The following DNAH7 variants were observed in gnomAD, a reference collection of about 807,000 sequenced individuals.
DNAH7 encodes dynein axonemal heavy chain 7, also known as axonemal beta dynein heavy chain 7.
A neutral mutation model predicts 444.6 loss-of-function variants in DNAH7; 397 were observed. The ratio of observed to expected loss-of-function variants is 0.89; its 90% CI spans 0.82 to 0.97. The LOEUF (loss-of-function observed/expected upper bound fraction) is 0.97. DNAH7 is among the 50% of genes least tolerant of loss of function. The probability of loss-of-function intolerance (pLI) is 0.00; values close to 1 mark genes in which losing one functional copy is unlikely to be tolerated. For missense variants in DNAH7, 4,902 were observed against 4,800.8 expected (o/e 1.02, Z -0.62); for synonymous variants, 1,636 against 1,624.4 (o/e 1.01, Z -0.17).
chr2:196,035,446 T>C (rs2125811415), intron 5 of DNAH7, among the ~76,000 whole-genome samples: 1 of 152,282 alleles, frequency 6.6e-6, no homozygotes, highest in East Asian at 1.9e-4. Context: ...GGAAGAAAAC[T>C]AAATGAACAA....
At chr2:195,893,977 AT>A (rs1433143875) in intron 30 of DNAH7, 1 of 152,144 alleles carries the variant, frequency 6.6e-6, no homozygotes, top group Non-Finnish European at 1.5e-5. Context: ...TGAGCCATAA[AT>A]AAGATAAAGA....
chr2:195,785,162 T>C (rs1014682895), intron 58 of DNAH7, among the ~76,000 whole-genome samples: 3 of 152,158 alleles, frequency 2.0e-5, no homozygotes, highest in Admixed American at 6.5e-5. Context: ...CTGCCTGCCT[T>C]GGCCTCCCAA....
intron 2 of DNAH7, among the ~76,000 whole-genome samples, chr2:196,056,419 GAAAAAAA>G (rs57708138): frequency 3.4e-4 from 39 of 115,350 alleles, no homozygotes; most frequent in South Asian, 5.8e-4. Flanking sequence ...CACTCTGTCT[GAAAAAAA>G]AAAAAAAAAG....
At chr2:195,997,561 AATG>A (rs1693775087) in intron 12 of DNAH7, among the ~76,000 whole-genome samples, 1 of 152,176 alleles carries the variant, frequency 6.6e-6, no homozygotes, top group Admixed American at 6.5e-5. Flanking sequence ...AGTTATGAGA[AATG>A]ATATTTTGTA....
chr2:195,771,773 G>A lies in DNAH7; in HGVS notation c.11320C>T (p.Pro3774Ser), dbSNP rs377069668. 2 of 1,613,928 alleles carry A rather than the reference G, an allele frequency of 1.2e-6. No homozygotes were observed. The highest frequency in any genetic ancestry group is 2.2e-5 in the East Asian group (1 of 44,884). Residue 3774 changes from proline to serine, a missense_variant, in exon 61 of 65, where the codon CCA becomes TCA. Physicochemically the swap from Pro to Ser is moderately conservative, Grantham distance 74. Coordinates refer to ENST00000312428, the MANE Select transcript of DNAH7 (RefSeq NM_018897.3). ...TTCATGCTCTGAGTATAAGTTGTTG[G>A]GTACCTCCTCATGGCAGCCTCGATG... is the stretch of plus-strand genomic sequence containing the variant. ...FDIEAAMRRYPTTYTQSMNTV... is the reference protein window; with the variant it reads ...FDIEAAMRRYSTTYTQSMNTV...
intron 27 of DNAH7, chr2:195,902,473 A>G (rs1477860338): frequency 2.6e-5 from 4 of 151,830 alleles, no homozygotes; most frequent in Non-Finnish European, 4.4e-5. Context: ...TAAAGAATAA[A>G]AGAATGACTG....
In DNAH7 at chr2:195,774,599, C is replaced by T. The variant is rs116721392; in HGVS notation, c.11202+1247G>A. ...GGAGCCAAACTGGTAGGAGCCAGAC[C>T]GCTTGGTTTTGAGTCCTGATTTGAA... On this transcript the variant is annotated intron_variant, in intron 60 of 64. Transcript: ENST00000312428. Among the ~76,000 whole-genome samples, 711 of 152,262 alleles carry T rather than the reference C, an allele frequency of 4.7e-3. 3 individuals are homozygous for T. The highest frequency in any genetic ancestry group is 0.016 in the African/African-American group (665 of 41,546).
At position 195,737,891 on chromosome 2, in the gene DNAH7, A is replaced by AAAT. The variant is rs3049436; in HGVS notation, c.*27_*29dup. 449 of 1,561,724 alleles carry AAAT rather than the reference A, an allele frequency of 2.9e-4. No homozygotes were observed. The highest frequency in any genetic ancestry group is 3.6e-4 in the Non-Finnish European group (413 of 1,151,938). ...TTTCTCTACTCAGCCAGCCAACAAG[A>AAAT]AATAGGAACAAGGAAATGATGTCTT... On this transcript the variant is annotated 3_prime_UTR_variant, in exon 65 of 65. Transcript: ENST00000312428.
chr2:195,982,918 A>G (rs1692669936), intron 15 of DNAH7, among the ~76,000 whole-genome samples: 1 of 152,216 alleles, frequency 6.6e-6, no homozygotes, highest in Admixed American at 6.5e-5. Context: ...AGTATTTGAT[A>G]GCATAACAAG....
chr2:195,835,842 CA>C (rs1698343282), intron 47 of DNAH7, among the ~76,000 whole-genome samples: 1 of 151,920 alleles, frequency 6.6e-6, no homozygotes, highest in South Asian at 2.1e-4. Flanking sequence ...GACTCTGTCT[CA>C]AACAAAACAA....
At chr2:195,956,972 G>A (rs1187367864) in intron 19 of DNAH7, among the ~76,000 whole-genome samples, 10 of 152,070 alleles carry the variant, frequency 6.6e-5, no homozygotes, top group Non-Finnish European at 1.2e-4. Context: ...CAAGTACCTC[G>A]TACAGTGTCT....
chr2:195,937,591 A>G (rs753876380), intron 19 of DNAH7, among the ~76,000 whole-genome samples: 1 of 152,222 alleles, frequency 6.6e-6, no homozygotes, highest in African/African-American at 2.4e-5. Context: ...GAGTTTATTG[A>G]TTTCTCAAAA....
At chr2:196,032,078 T>TG (rs542839723) in intron 5 of DNAH7, among the ~76,000 whole-genome samples, 34 of 152,204 alleles carry the variant, frequency 2.2e-4, no homozygotes, top group African/African-American at 3.1e-4. Flanking sequence ...TCCACGTGGT[T>TG]GGGGGGGTCT....
chr2:195,920,148 A>G (rs77715351), intron 24 of DNAH7, among the ~76,000 whole-genome samples: 2,943 of 152,320 alleles, frequency 0.019, 44 homozygotes, highest in Non-Finnish European at 0.03. Flanking sequence ...AGCAATCTAC[A>G]GATTCAATAC....
intron 1 of DNAH7, 82 bp downstream of exon 1, chr2:196,068,615 G>T: frequency 1.3e-6 from 2 of 1,536,266 alleles, no homozygotes; most frequent in Non-Finnish European, 8.8e-7. Flanking sequence ...GAGTTCGCTA[G>T]GCAGGAGGGG....
At chr2:195,797,050 A>G (rs2280451) in intron 55 of DNAH7, among the ~76,000 whole-genome samples, 12,980 of 152,302 alleles carry the variant, frequency 0.085, 838 homozygotes, top group East Asian at 0.26. Flanking sequence ...GATGAAAGGC[A>G]CTGGCAGTCT....
intron 24 of DNAH7, among the ~76,000 whole-genome samples, chr2:195,919,908 G>C (rs1358318625): frequency 6.6e-6 from 1 of 152,158 alleles, no homozygotes; most frequent in African/African-American, 2.4e-5. Context: ...GATATCAAAT[G>C]GAAGTATCAA....
At chr2:196,026,434 G>C (rs189319239) in intron 7 of DNAH7, among the ~76,000 whole-genome samples, 5 of 152,292 alleles carry the variant, frequency 3.3e-5, no homozygotes, top group Admixed American at 2.0e-4. Flanking sequence ...CCATCTTAAA[G>C]GGAGAGACTA....
At chr2:195,889,129 T>C (rs1161021079) in intron 31 of DNAH7, 148 bp from the exon 32 acceptor site, 2 of 705,346 alleles carry the variant, frequency 2.8e-6, no homozygotes, top group Non-Finnish European at 4.6e-6. Context: ...GAATAAAGAT[T>C]ACTATGTGTG....
Sources: allele counts gnomAD v4.1 joint callset (sites outside exome capture counted in the v4.1 genomes callset), GRCh38; gene constraint gnomAD v4.1.1; transcripts MANE v1.5; gene names NCBI Gene and HGNC (gene_info 2026-07-23, HGNC 2026-07-21).